The following ZNF83 variants were observed in gnomAD, a reference collection of about 807,000 sequenced individuals.
The protein encoded by ZNF83 is zinc finger protein 83, also known as zinc finger protein 816B.
For synonymous variants in ZNF83, 209 were observed against 213.0 expected, an observed-to-expected ratio of 0.98 and a Z score of 0.17; for missense variants, 552 against 629.9, an observed-to-expected ratio of 0.88 and a Z score of 1.32.
chr19:52,632,817 A>T (rs1055810073), intron 2 of ZNF83, among the ~76,000 whole-genome samples: 1 of 151,964 alleles, frequency 6.6e-6, no homozygotes, highest in Non-Finnish European at 1.5e-5. Context: ...AATAATTCTA[A>T]ATGATAAATG....
intron 3 of ZNF83, among the ~76,000 whole-genome samples, chr19:52,648,699 A>G (rs1241786997): frequency 6.6e-6 from 1 of 152,120 alleles, no homozygotes; most frequent in Admixed American, 6.5e-5. Flanking sequence ...GATCCACCAC[A>G]GTCAGCTGAA....
chr19:52,689,981 G>A (rs959465618), intron 1 of ZNF83, among the ~76,000 whole-genome samples: 1 of 152,204 alleles, frequency 6.6e-6, no homozygotes, highest in Admixed American at 6.5e-5. Flanking sequence ...GAGGTGGGGG[G>A]CGACGGCGCC....
chr19:52,614,742 T>C, exon 3 of ZNF83: 1 of 1,305,538 alleles, frequency 7.7e-7, no homozygotes, highest in Non-Finnish European at 9.8e-7. Flanking sequence ...ATATTTCTCC[T>C]GTATTACTCT....
At chr19:52,614,709 T>C (rs1227625440) in exon 3 of ZNF83, 1 of 1,342,000 alleles carries the variant, frequency 7.5e-7, no homozygotes, top group African/African-American at 1.5e-5. Flanking sequence ...GGCTTTCATG[T>C]CTTTCCAACA....
intron 1 of ZNF83, among the ~76,000 whole-genome samples, chr19:52,689,925 C>G (rs1377961217): frequency 1.3e-5 from 2 of 152,226 alleles, no homozygotes; most frequent in African/African-American, 2.4e-5. Flanking sequence ...GAAGCGGTGA[C>G]TGCGGAGGAG....
At chr19:52,612,685 CAG>C in exon 3 of ZNF83, 1 of 280,398 alleles carries the variant, frequency 3.6e-6, no homozygotes, top group Non-Finnish European at 6.6e-6. Flanking sequence ...TTCCCACTCT[CAG>C]TGTTTTTGTT....
At chr19:52,620,213 C>T (rs1011356366) in intron 2 of ZNF83, among the ~76,000 whole-genome samples, 18 of 144,210 alleles carry the variant, frequency 1.2e-4, no homozygotes, top group Non-Finnish European at 2.6e-4. Flanking sequence ...AAAATATATA[C>T]GTATGTGTGT....
intron 2 of ZNF83, among the ~76,000 whole-genome samples, chr19:52,620,415 A>C (rs1321921237): frequency 6.6e-6 from 1 of 152,086 alleles, no homozygotes; most frequent in Non-Finnish European, 1.5e-5. Flanking sequence ...TCCTAGAAGC[A>C]ATCACTCCTT....
chr19:52,619,349 C>T (rs1343142016), intron 2 of ZNF83, among the ~76,000 whole-genome samples: 8 of 152,092 alleles, frequency 5.3e-5, no homozygotes, highest in Non-Finnish European at 2.9e-5. Flanking sequence ...AACTTTTGGC[C>T]AGGTGCTGTG....
At chr19:52,674,532 A>T (rs376548817) in intron 1 of ZNF83, among the ~76,000 whole-genome samples, 1 of 152,178 alleles carries the variant, frequency 6.6e-6, no homozygotes, top group Non-Finnish European at 1.5e-5. Flanking sequence ...AGTCACAAAG[A>T]CTCAACCAAA....
At chr19:52,661,736 C>T (rs542133508) in intron 1 of ZNF83, among the ~76,000 whole-genome samples, 10 of 152,170 alleles carry the variant, frequency 6.6e-5, no homozygotes, top group East Asian at 3.9e-4. Flanking sequence ...CAGTGAACAG[C>T]GAAGGAGCTA....
At chr19:52,619,605 A>C (rs1216844007) in intron 2 of ZNF83, among the ~76,000 whole-genome samples, 1 of 151,860 alleles carries the variant, frequency 6.6e-6, no homozygotes, top group Non-Finnish European at 1.5e-5. Flanking sequence ...CAACCTGGGC[A>C]ACAGAGTGAG....
At chr19:52,658,956 T>G (rs1346520841) in intron 2 of ZNF83, among the ~76,000 whole-genome samples, 2 of 152,216 alleles carry the variant, frequency 1.3e-5, no homozygotes, top group African/African-American at 4.8e-5. Context: ...TCTAAATAAA[T>G]GCCTGGAGTG....
chr19:52,640,531 CTT>C (rs2061287834), upstream of ZNF83, among the ~76,000 whole-genome samples: 8 of 152,248 alleles, frequency 5.3e-5, no homozygotes, highest in South Asian at 4.1e-4. Flanking sequence ...CAGGAAAACT[CTT>C]TTTTGTTTTT....
intron 1 of ZNF83, among the ~76,000 whole-genome samples, chr19:52,661,675 C>T (rs768478582): frequency 1.1e-4 from 17 of 152,186 alleles, no homozygotes; most frequent in Non-Finnish European, 2.1e-4. Context: ...CTGAGCACAG[C>T]CCCACCTTCT....
intron 1 of ZNF83, chr19:52,636,046 C>T (rs1315912696): frequency 6.7e-6 from 1 of 149,814 alleles, no homozygotes; most frequent in East Asian, 2.0e-4. Flanking sequence ...CCTGTAATCT[C>T]AGTACTCTGG....
intron 3 of ZNF83, among the ~76,000 whole-genome samples, chr19:52,653,758 C>T (rs988169434): frequency 1.3e-5 from 2 of 152,206 alleles, no homozygotes; most frequent in African/African-American, 4.8e-5. Flanking sequence ...AGTATGAACT[C>T]TATGGTGCCA....
At chr19:52,614,223 G>C in exon 3 of ZNF83, 1 of 1,614,024 alleles carries the variant, frequency 6.2e-7, no homozygotes, top group South Asian at 1.1e-5. Flanking sequence ...CTTTAGTATG[G>C]ATTATTTGAT....
At chr19:52,685,482 TAAAAAAAAATCACAGTCACATTCATAA>T (rs1305618331) in intron 1 of ZNF83, among the ~76,000 whole-genome samples, 2 of 151,362 alleles carry the variant, frequency 1.3e-5, no homozygotes, top group African/African-American at 2.4e-5. Flanking sequence ...AATTCTTCCT[TAAAAAAAAATCACAGTCACATTCATAA>T]AATGCAGAAG....
Sources: gnomAD v4.1 joint callset for allele counts (sites outside exome capture counted in the v4.1 genomes callset) on GRCh38, gnomAD v4.1.1 for gene constraint, MANE v1.5 for transcripts, NCBI Gene and HGNC (gene_info 2026-07-23, HGNC 2026-07-21) for gene names.